TMEM71: variants seen among roughly 807,000 people sequenced by gnomAD.
TMEM71 encodes transmembrane protein 71.
A neutral mutation model predicts 38.0 loss-of-function variants in TMEM71; 44 were observed. That is an observed-to-expected ratio of 1.16 (90% CI 0.91 to 1.49). The LOEUF (loss-of-function observed/expected upper bound fraction) is 1.49, where lower values mean the gene tolerates loss of function less well. TMEM71 is among the 40% of genes most tolerant of loss of function. TMEM71 has a pLI of 0.00. For missense variants in TMEM71, 367 were observed against 348.6 expected, an observed-to-expected ratio of 1.05 and a Z score of -0.42; for synonymous variants, 133 against 122.5, an observed-to-expected ratio of 1.09 and a Z score of -0.56.
upstream of TMEM71, among the ~76,000 whole-genome samples, chr8:132,761,358 T>G (rs185235470): frequency 8.5e-5 from 13 of 152,324 alleles, no homozygotes; most frequent in Admixed American, 2.0e-4. Context: ...AAAATATATA[T>G]GTCATATGAT....
intron 4 of TMEM71, 101 bp downstream of exon 4, chr8:132,751,684 A>G: frequency 8.7e-7 from 1 of 1,146,592 alleles, no homozygotes; most frequent in Non-Finnish European, 1.3e-6. Flanking sequence ...TGGAGCAATA[A>G]TGGGCTCCTT....
intron 5 of TMEM71, among the ~76,000 whole-genome samples, chr8:132,735,704 A>G (rs1420271757): frequency 6.6e-6 from 1 of 152,226 alleles, no homozygotes; most frequent in African/African-American, 2.4e-5. Flanking sequence ...TTTCAAAGAG[A>G]CAACGAAGGA....
At chr8:132,769,916 T>C in the TMEM71 span, among the ~76,000 whole-genome samples, 1 of 152,256 alleles carries the variant, frequency 6.6e-6, no homozygotes, top group Non-Finnish European at 1.5e-5. Context: ...ATGTATGTTG[T>C]CTGCCATATT....
chr8:132,734,558 T>C (rs1285631649), intron 5 of TMEM71, among the ~76,000 whole-genome samples: 3 of 151,892 alleles, frequency 2.0e-5, no homozygotes, highest in Non-Finnish European at 2.9e-5. Flanking sequence ...TTGGATGAAA[T>C]AAAAAATATG....
chr8:132,756,737 C>T (rs774074622), intron 3 of TMEM71, among the ~76,000 whole-genome samples: 13 of 151,784 alleles, frequency 8.6e-5, no homozygotes, highest in Non-Finnish European at 1.8e-4. Context: ...CAGGCACATA[C>T]CATCATGCCC....
intron 6 of TMEM71, among the ~76,000 whole-genome samples, chr8:132,727,442 G>T (rs1333497861): frequency 6.6e-6 from 1 of 152,158 alleles, no homozygotes; most frequent in African/African-American, 2.4e-5. Flanking sequence ...ATTTTTAGTA[G>T]AGACAGTGTT....
At chr8:132,761,517 C>A (rs1829295330), upstream of TMEM71, among the ~76,000 whole-genome samples, 1 of 152,214 alleles carries the variant, frequency 6.6e-6, no homozygotes, top group Non-Finnish European at 1.5e-5. Context: ...TAATCTCATC[C>A]TTTCCTGGGG....
chr8:132,718,165 T>C (rs559810768), intron 7 of TMEM71, among the ~76,000 whole-genome samples: 17 of 152,264 alleles, frequency 1.1e-4, no homozygotes, highest in African/African-American at 3.6e-4. Context: ...ATTAGAGTGG[T>C]GATGGTTGCA....
At chr8:132,769,427 C>CTCTAA in the TMEM71 span, among the ~76,000 whole-genome samples, 1 of 152,214 alleles carries the variant, frequency 6.6e-6, no homozygotes, top group Non-Finnish European at 1.5e-5. Context: ...TGTTCCCTTA[C>CTCTAA]TCTACATCAC....
intron 9 of TMEM71, among the ~76,000 whole-genome samples, chr8:132,711,294 T>C (rs892659465): frequency 1.3e-5 from 2 of 152,182 alleles, no homozygotes; most frequent in African/African-American, 4.8e-5. Context: ...CCTGCCCTTA[T>C]GGCATTTTTC....
chr8:132,730,095 A>C (rs1827370216), intron 5 of TMEM71, among the ~76,000 whole-genome samples: 1 of 151,892 alleles, frequency 6.6e-6, no homozygotes, highest in Non-Finnish European at 1.5e-5. Flanking sequence ...AATAGCTGGG[A>C]TTACAGGCAT....
the TMEM71 span, among the ~76,000 whole-genome samples, chr8:132,774,406 C>G: frequency 6.6e-6 from 1 of 152,178 alleles, no homozygotes; most frequent in Non-Finnish European, 1.5e-5. Context: ...CTCAGTCTAG[C>G]TCAGTAGCTA....
intron 5 of TMEM71, among the ~76,000 whole-genome samples, chr8:132,732,820 G>T (rs967452887): frequency 1.3e-5 from 2 of 152,054 alleles, no homozygotes; most frequent in African/African-American, 4.8e-5. Flanking sequence ...GGGGTGTTAC[G>T]GGCATCTACT....
At chr8:132,751,482 A>G (rs898508852) in intron 4 of TMEM71, among the ~76,000 whole-genome samples, 2 of 152,224 alleles carry the variant, frequency 1.3e-5, no homozygotes, top group Non-Finnish European at 2.9e-5. Flanking sequence ...TGGCACCCGT[A>G]TTATTTCATT....
chr8:132,727,710 C>T (rs1827225337), intron 6 of TMEM71, 88 bp downstream of exon 6: 3 of 1,246,152 alleles, frequency 2.4e-6, no homozygotes, highest in Non-Finnish European at 2.2e-6. Context: ...CAGCTCCTAA[C>T]TGCATTTTAG....
intron 5 of TMEM71, among the ~76,000 whole-genome samples, chr8:132,730,100 A>G (rs1827370732): frequency 6.6e-6 from 1 of 152,124 alleles, no homozygotes; most frequent in Non-Finnish European, 1.5e-5. Flanking sequence ...CTGGGATTAC[A>G]GGCATGTGCC....
chr8:132,770,810 C>T, the TMEM71 span, among the ~76,000 whole-genome samples: 1 of 152,208 alleles, frequency 6.6e-6, no homozygotes, highest in South Asian at 2.1e-4. Flanking sequence ...TTTAGGGTAG[C>T]TTGCTAAAAT....
Position 132,710,302 on chromosome 8 carries a change from G to A in TMEM71, c.*665C>T, listed in dbSNP as rs117610593. Reference sequence around the variant, plus strand: ...ATCTTTAAGTGACATTAAAGTGAAAGGTAATTACGAGCCCCAAGAAGATTA... The same window carrying A: ...ATCTTTAAGTGACATTAAAGTGAAAAGTAATTACGAGCCCCAAGAAGATTA... On this transcript the variant is annotated 3_prime_UTR_variant, in exon 10 of 10. Transcript: ENST00000677595. 6.6e-6 allele frequency: 1 copy of A among 152,288 alleles called. No individual in the cohort carries two copies. Among genetic ancestry groups the A allele is most frequent in the East Asian group, 1.9e-4 (1 of 5,178 alleles). 9.4% of individuals were successfully genotyped at this position (152,288 alleles called of 1,614,324 possible).
the TMEM71 span, chr8:132,775,651 A>T: frequency 3.0e-6 from 1 of 336,254 alleles, no homozygotes; most frequent in Non-Finnish European, 5.4e-6. Context: ...AGTCGGTAAG[A>T]GGCGGCGGCG....
Sources: allele counts gnomAD v4.1 joint callset (sites outside exome capture counted in the v4.1 genomes callset), GRCh38; gene constraint gnomAD v4.1.1; transcripts MANE v1.5; gene names NCBI Gene and HGNC (gene_info 2026-07-23, HGNC 2026-07-21).